The following ATP8B4 variants were observed in gnomAD, a reference collection of about 807,000 sequenced individuals.
The protein encoded by ATP8B4 is ATPase phospholipid transporting 8B4 (putative).
A neutral mutation model predicts 145.6 loss-of-function variants in ATP8B4; 133 were observed. That is an observed-to-expected ratio of 0.91 (90% CI 0.79 to 1.05). ATP8B4 has a LOEUF of 1.05. Ranked by LOEUF, ATP8B4 falls within the 50% of genes least tolerant of loss-of-function variation. The pLI is 0.00. For synonymous variants in ATP8B4, 507 were observed against 492.9 expected (o/e 1.03, Z -0.38); for missense variants, 1,458 against 1,425.2 (o/e 1.02, Z -0.37).
chr15:49,959,725 C>G (rs2043897049), intron 14 of ATP8B4, among the ~76,000 whole-genome samples: 2 of 151,658 alleles, frequency 1.3e-5, no homozygotes, highest in South Asian at 4.2e-4. Context: ...AATTGCATAC[C>G]TAGGAATAAT....
At chr15:50,167,901 C>A (rs2044617621) in intron 1 of ATP8B4, among the ~76,000 whole-genome samples, 1 of 152,082 alleles carries the variant, frequency 6.6e-6, no homozygotes, top group East Asian at 1.9e-4. Flanking sequence ...GGAATGGATT[C>A]ATCTGGAGGT....
chr15:50,168,920 C>T (rs1430806550), intron 1 of ATP8B4, among the ~76,000 whole-genome samples: 1 of 152,170 alleles, frequency 6.6e-6, no homozygotes, highest in Non-Finnish European at 1.5e-5. Context: ...TCCCCGACTT[C>T]CCTGACAACC....
In ATP8B4 at chr15:50,171,480, T is replaced by C. The variant is rs549392620; in HGVS notation, c.-43+10781A>G. On this transcript the variant is annotated intron_variant, in intron 1 of 3. Coordinates refer to the ATP8B4 transcript ENST00000558829. ...GCTTTGGGTAAAAACGAAATCAAGA[T>C]GGAAATTTAAAAATTCTTCTAACTG... is the stretch of plus-strand genomic sequence containing the variant. 4.5e-4 allele frequency among the ~76,000 whole-genome samples: 68 copies of C among 152,310 alleles called. No individual in the cohort carries two copies. In the South Asian group the frequency reaches 0.013, roughly 28 times the overall value.
At chr15:50,158,491 C>G (rs533446024) in intron 1 of ATP8B4, among the ~76,000 whole-genome samples, 2 of 149,938 alleles carry the variant, frequency 1.3e-5, no homozygotes, top group South Asian at 4.3e-4. Flanking sequence ...GGTGGGGGGG[C>G]GCCTCCGCCC....
intron 25 of ATP8B4, among the ~76,000 whole-genome samples, chr15:49,875,305 C>T (rs992363446): frequency 6.6e-6 from 1 of 152,100 alleles, no homozygotes; most frequent in South Asian, 2.1e-4. Context: ...TCTTGGAGTA[C>T]CGAGGAACAG....
rs529384333 is a variant in ATP8B4 at position 49,887,885 on chromosome 15, A to G, written c.2698-8426T>C. On this transcript the variant is annotated intron_variant, in intron 23 of 27. Coordinates refer to ENST00000284509, the MANE Select transcript of ATP8B4 (RefSeq NM_024837.4). ...TGACACATTTAAATAAACCTTAATA[A>G]AGTTCTTAAACAGCTGCAAAGGGCT... Among the ~76,000 whole-genome samples, 13 of 152,290 alleles carry G rather than the reference A, an allele frequency of 8.5e-5. No homozygotes were observed. The South Asian group carries it at 2.7e-3, about 32-fold the overall frequency.
intron 18 of ATP8B4, among the ~76,000 whole-genome samples, chr15:49,919,611 G>A (rs1485665318): frequency 6.6e-6 from 1 of 152,006 alleles, no homozygotes; most frequent in African/African-American, 2.4e-5. Context: ...TAGAGACGGG[G>A]TTTCACCATG....
chr15:50,030,242 G>A (rs1243793571), intron 6 of ATP8B4, among the ~76,000 whole-genome samples: 2 of 151,884 alleles, frequency 1.3e-5, no homozygotes, highest in East Asian at 3.9e-4. Context: ...ACTGAGAAAA[G>A]ATGCATAAAC....
At chr15:49,955,185 AGAG>A (rs1001742474) in intron 14 of ATP8B4, among the ~76,000 whole-genome samples, 3 of 152,176 alleles carry the variant, frequency 2.0e-5, no homozygotes, top group African/African-American at 4.8e-5. Context: ...TAGCATAGAG[AGAG>A]GAGAACAGGA....
chr15:50,099,981 G>A (rs2056243039), intron 2 of ATP8B4, among the ~76,000 whole-genome samples: 1 of 142,956 alleles, frequency 7.0e-6, no homozygotes, highest in African/African-American at 2.6e-5. Context: ...GTTGCGGTGA[G>A]CTGAGATCAC....
intron 14 of ATP8B4, among the ~76,000 whole-genome samples, chr15:49,943,637 G>A (rs1243117326): frequency 6.6e-6 from 1 of 152,082 alleles, no homozygotes; most frequent in Admixed American, 6.6e-5. Flanking sequence ...CTTCAAAAAC[G>A]AAAGAGAGAT....
chr15:49,988,392 A>C (rs571040228), intron 9 of ATP8B4, among the ~76,000 whole-genome samples: 155 of 152,258 alleles, frequency 1.0e-3, no homozygotes, highest in African/African-American at 3.7e-3. Flanking sequence ...GGTAAGGTTA[A>C]ATTTTTTATA....
chr15:49,952,944 CT>C (rs2043228997), intron 14 of ATP8B4, among the ~76,000 whole-genome samples: 1 of 151,914 alleles, frequency 6.6e-6, no homozygotes, highest in Admixed American at 6.6e-5. Context: ...GCTTGTTTTT[CT>C]TTCAATAGTC....
At chr15:50,170,501 C>A (rs1352881737) in intron 1 of ATP8B4, among the ~76,000 whole-genome samples, 1 of 142,884 alleles carries the variant, frequency 7.0e-6, no homozygotes, top group Non-Finnish European at 1.6e-5. Context: ...CCAAACCCCC[C>A]CCACCCTCCA....
chr15:49,900,945 T>C, intron 21 of ATP8B4, 147 bp downstream of exon 21: 4 of 1,059,198 alleles, frequency 3.8e-6, no homozygotes, highest in Non-Finnish European at 5.3e-6. Flanking sequence ...TTCCTTTCCC[T>C]TTGCAAACAG....
At chr15:49,900,210 C>G (rs2037868048) in intron 21 of ATP8B4, among the ~76,000 whole-genome samples, 1 of 152,166 alleles carries the variant, frequency 6.6e-6, no homozygotes, top group African/African-American at 2.4e-5. Flanking sequence ...GTGTAGAAGG[C>G]AACACATCAT....
At chr15:49,918,978 T>C in intron 18 of ATP8B4, 28 bp from the exon 19 acceptor site, 1 of 1,468,868 alleles carries the variant, frequency 6.8e-7, no homozygotes, top group Non-Finnish European at 9.5e-7. Context: ...GAAAAGTTTA[T>C]GTTAATGCAT....
chr15:50,137,689 T>C (rs1356510524), intron 1 of ATP8B4, among the ~76,000 whole-genome samples: 1 of 152,234 alleles, frequency 6.6e-6, no homozygotes, highest in East Asian at 1.9e-4. Flanking sequence ...CTGATGTTTC[T>C]GCCTCCTTAA....
chr15:50,114,212 A>C lies in ATP8B4; in HGVS notation c.-43+4911T>G, dbSNP rs181599827. Among the ~76,000 whole-genome samples the C allele has an allele frequency of 1.9e-3, 276 of 145,204 alleles. 1 individual carries two copies. Among genetic ancestry groups the C allele is most frequent in the African/African-American group, 6.6e-3 (260 of 39,614 alleles). Reference sequence around the variant, plus strand: ...TCTGTGAGATTTTGGTGCACCCATCACATGAGTAGTATACACTGCACCCAA... The same window carrying C: ...TCTGTGAGATTTTGGTGCACCCATCCCATGAGTAGTATACACTGCACCCAA... On this transcript the variant is annotated intron_variant, in intron 1 of 27. Coordinates refer to ENST00000284509, the MANE Select transcript of ATP8B4 (RefSeq NM_024837.4).
Sources: allele counts gnomAD v4.1 joint callset (sites outside exome capture counted in the v4.1 genomes callset), GRCh38; gene constraint gnomAD v4.1.1; transcripts MANE v1.5; gene names NCBI Gene and HGNC (gene_info 2026-07-23, HGNC 2026-07-21).